MILR1: variants seen among roughly 807,000 people sequenced by gnomAD.
MILR1 encodes mast cell immunoglobulin like receptor 1, also known as allergin-1.
In MILR1, 31 loss-of-function variants were observed where a neutral mutation model predicts 18.5. The observed-to-expected ratio is 1.68, with a 90% CI of 1.26 to 2.26. The LOEUF is 2.26. Among genes scored for constraint, MILR1 ranks in the 30% most tolerant of loss-of-function variants. The probability of loss-of-function intolerance (pLI) is 0.00; values close to 1 mark genes in which losing one functional copy is unlikely to be tolerated. For missense variants in MILR1, 257 were observed against 157.4 expected (o/e 1.63, Z -3.38); for synonymous variants, 85 against 56.2 (o/e 1.51, Z -2.30).
intron 4 of MILR1, among the ~76,000 whole-genome samples, chr17:64,458,440 T>C (rs1245377003): frequency 1.4e-4 from 22 of 151,948 alleles, no homozygotes; most frequent in Non-Finnish European, 4.4e-5. Flanking sequence ...CTCGAACTCC[T>C]GGCCCCAAGC....
the MILR1 span, among the ~76,000 whole-genome samples, chr17:64,475,202 G>A: frequency 5.4e-5 from 8 of 148,816 alleles, no homozygotes; most frequent in Non-Finnish European, 7.4e-5. Flanking sequence ...AAAAAAAAAA[G>A]ACTTGAGGCC....
the MILR1 span, chr17:64,487,212 C>CT: frequency 6.6e-6 from 1 of 152,170 alleles, no homozygotes; most frequent in Admixed American, 6.5e-5. Flanking sequence ...GCATATGATA[C>CT]TTTAAAGATT....
Position 64,457,438 on chromosome 17 carries a change from C to G in MILR1, c.406C>G (p.Gln136Glu). ...TSPVLNIMVIQTETDRHITLH... is the reference protein window; with the variant it reads ...TSPVLNIMVIETETDRHITLH... ...CCCAGTGCTGAACATTATGGTCATTCAAACAGAAACAGACCGACATATAAC... is the reference window on the plus strand; with the variant it reads ...CCCAGTGCTGAACATTATGGTCATTGAAACAGAAACAGACCGACATATAAC... Residue 136 changes from glutamine to glutamate, a missense_variant, in exon 4 of 10, where the codon CAA becomes GAA. Transcript: ENST00000619286. 2.1e-6 allele frequency: 1 copy of G among 475,376 alleles called. No homozygotes were observed. Among genetic ancestry groups the G allele is most frequent in the East Asian group, 3.1e-5 (1 of 32,052 alleles). 29.4% of individuals were successfully genotyped at this position (475,376 alleles called of 1,614,324 possible).
chr17:64,460,671 C>T (rs1180767440), intron 4 of MILR1, among the ~76,000 whole-genome samples, 151 bp from the exon 5 acceptor site: 4 of 152,066 alleles, frequency 2.6e-5, no homozygotes, highest in African/African-American at 7.2e-5. Context: ...TAATAAGTCC[C>T]GTGAGTTTTA....
At chr17:64,490,003 C>T in the MILR1 span, among the ~76,000 whole-genome samples, 1 of 151,944 alleles carries the variant, frequency 6.6e-6, no homozygotes, top group East Asian at 1.9e-4. Context: ...TGGCTCATCG[C>T]AACCTCCACC....
the MILR1 span, among the ~76,000 whole-genome samples, chr17:64,474,350 C>T: frequency 6.6e-6 from 1 of 152,072 alleles, no homozygotes; most frequent in African/African-American, 2.4e-5. Context: ...GCTGGGATTA[C>T]AGGCGTGAGC....
the MILR1 span, chr17:64,481,203 A>C: frequency 3.1e-5 from 26 of 836,860 alleles, no homozygotes; most frequent in Non-Finnish European, 3.5e-5. Flanking sequence ...ACAGCATCCT[A>C]GGAGCTTCCT....
the MILR1 span, chr17:64,483,093 TAAC>T: frequency 1.5e-6 from 1 of 666,390 alleles, no homozygotes; most frequent in Non-Finnish European, 2.7e-6. Context: ...ACACAAGTAT[TAAC>T]AAACAGTTTC....
the MILR1 span, chr17:64,481,290 T>C: frequency 1.0e-6 from 1 of 985,400 alleles, no homozygotes; most frequent in Non-Finnish European, 1.2e-6. Flanking sequence ...TCTCCTTCTT[T>C]GAGCTCACTA....
the MILR1 span, chr17:64,490,930 G>C: frequency 5.0e-6 from 8 of 1,613,772 alleles, no homozygotes; most frequent in Non-Finnish European, 6.8e-6. Context: ...TCTTCATCCT[G>C]ACAGTCACTG....
chr17:64,474,811 T>TA, the MILR1 span, among the ~76,000 whole-genome samples: 4 of 151,602 alleles, frequency 2.6e-5, no homozygotes, highest in Admixed American at 6.6e-5. Context: ...TTTTTTCCAA[T>TA]AAAAAAAACC....
At chr17:64,473,719 A>C in the MILR1 span, among the ~76,000 whole-genome samples, 1 of 152,176 alleles carries the variant, frequency 6.6e-6, no homozygotes, top group African/African-American at 2.4e-5. Context: ...TTTGGGTAAA[A>C]ATTTATCATA....
At chr17:64,492,302 T>C in the MILR1 span, among the ~76,000 whole-genome samples, 1 of 152,158 alleles carries the variant, frequency 6.6e-6, no homozygotes, top group Non-Finnish European at 1.5e-5. Context: ...TAAAACTTGA[T>C]CATCAATTAC....
chr17:64,472,319 T>C (rs1193382388), downstream of MILR1, among the ~76,000 whole-genome samples: 8 of 150,668 alleles, frequency 5.3e-5, no homozygotes, highest in Admixed American at 4.0e-4. Flanking sequence ...ATACAAAAAT[T>C]AGTTGGTGTG....
At chr17:64,483,368 A>T in the MILR1 span, among the ~76,000 whole-genome samples, 2 of 152,018 alleles carry the variant, frequency 1.3e-5, no homozygotes, top group Non-Finnish European at 2.9e-5. Context: ...ATACAAAAAA[A>T]TTAGCTAGGT....
chr17:64,463,916 C>T (rs1448557310), intron 5 of MILR1, among the ~76,000 whole-genome samples: 2 of 151,004 alleles, frequency 1.3e-5, no homozygotes, highest in African/African-American at 4.9e-5. Context: ...CTCTGCCTCC[C>T]AGGTTCAAGC....
At chr17:64,480,513 T>C in the MILR1 span, 2 of 527,300 alleles carry the variant, frequency 3.8e-6, no homozygotes, top group Non-Finnish European at 7.2e-6. Flanking sequence ...TCTTTAATTA[T>C]GTGATGTTAA....
downstream of MILR1, among the ~76,000 whole-genome samples, chr17:64,469,679 G>A (rs144281380): frequency 7.2e-5 from 11 of 152,058 alleles, no homozygotes; most frequent in Admixed American, 4.6e-4. Flanking sequence ...GATTACAGGC[G>A]TGAGCCACCT....
At chr17:64,465,618 C>T (rs8067243) in intron 6 of MILR1, 77 bp downstream of exon 6, 67,698 of 1,470,372 alleles carry the variant, frequency 0.046, 2,296 homozygotes, top group African/African-American at 0.17. Context: ...TACAGACATA[C>T]GGGAGTGGGG....
Sources: allele counts gnomAD v4.1 joint callset (sites outside exome capture counted in the v4.1 genomes callset), GRCh38; gene constraint gnomAD v4.1.1; transcripts MANE v1.5; gene names NCBI Gene and HGNC (gene_info 2026-07-23, HGNC 2026-07-21).